SPAG16: variants seen among roughly 807,000 people sequenced by gnomAD.
SPAG16 encodes sperm associated antigen 16.
In SPAG16, 86 loss-of-function variants were observed where a neutral mutation model predicts 80.4. The ratio of observed to expected loss-of-function variants is 1.07; its 90% CI spans 0.90 to 1.28. SPAG16 has a LOEUF of 1.28. Ranked by LOEUF, SPAG16 falls within the 50% of genes most tolerant of loss-of-function variation. The pLI, the probability that SPAG16 is intolerant of heterozygous loss-of-function variation, is 0.00. For missense variants in SPAG16, 870 were observed against 765.3 expected, an observed-to-expected ratio of 1.14 and a Z score of -1.61; for synonymous variants, 294 against 265.9, an observed-to-expected ratio of 1.11 and a Z score of -1.03.
At chr2:213,373,790 A>G (rs1048455865) in intron 8 of SPAG16, among the ~76,000 whole-genome samples, 4 of 152,210 alleles carry the variant, frequency 2.6e-5, no homozygotes, top group Non-Finnish European at 5.9e-5. Flanking sequence ...ACATAATTGC[A>G]TAAAATTGTA....
chr2:213,717,654 C>T (rs747255350), intron 10 of SPAG16, among the ~76,000 whole-genome samples: 1 of 151,952 alleles, frequency 6.6e-6, no homozygotes, highest in Non-Finnish European at 1.5e-5. Context: ...ATTCTAAATA[C>T]ATTACTTCAA....
chr2:213,445,943 C>T (rs1200838927), intron 9 of SPAG16, among the ~76,000 whole-genome samples: 1 of 152,178 alleles, frequency 6.6e-6, no homozygotes, highest in African/African-American at 2.4e-5. Context: ...GACCTGGTTC[C>T]AGCCCCTTAG....
intron 15 of SPAG16, among the ~76,000 whole-genome samples, chr2:214,315,580 G>A (rs891130841): frequency 6.6e-6 from 1 of 151,824 alleles, no homozygotes; most frequent in Non-Finnish European, 1.5e-5. Context: ...CACTCAAGCT[G>A]GAGTGCAGTG....
At chr2:213,808,334 G>A (rs1407707473) in intron 10 of SPAG16, among the ~76,000 whole-genome samples, 4 of 152,130 alleles carry the variant, frequency 2.6e-5, no homozygotes, top group South Asian at 2.1e-4. Context: ...ACTAAAAAAC[G>A]AAAGAACAGC....
At chr2:214,050,290 CT>C (rs2049572266) in intron 13 of SPAG16, among the ~76,000 whole-genome samples, 1 of 100,768 alleles carries the variant, frequency 9.9e-6, no homozygotes, top group African/African-American at 3.2e-5. Context: ...TGGGCCCCAG[CT>C]AAAAAAAAAA....
chr2:213,690,783 T>C (rs1207226195), intron 10 of SPAG16, among the ~76,000 whole-genome samples: 1 of 152,158 alleles, frequency 6.6e-6, no homozygotes, highest in African/African-American at 2.4e-5. Context: ...CTCCAGGTTC[T>C]TCAGCCTTTG....
intron 11 of SPAG16, among the ~76,000 whole-genome samples, chr2:213,916,977 A>G (rs748695679): frequency 6.6e-6 from 1 of 152,162 alleles, no homozygotes; most frequent in Non-Finnish European, 1.5e-5. Context: ...TGTATGTGGT[A>G]TAAGGGAGGG....
At chr2:213,412,902 G>A (rs1374701040) in intron 9 of SPAG16, among the ~76,000 whole-genome samples, 1 of 152,042 alleles carries the variant, frequency 6.6e-6, no homozygotes, top group Non-Finnish European at 1.5e-5. Flanking sequence ...CATCCAAAAT[G>A]GGTTAGAAAA....
chr2:213,806,975 T>C (rs1025527414), intron 10 of SPAG16, among the ~76,000 whole-genome samples: 18 of 152,212 alleles, frequency 1.2e-4, no homozygotes, highest in Admixed American at 6.5e-5. Context: ...GTTTTCCATA[T>C]CAATTCACAT....
intron 10 of SPAG16, among the ~76,000 whole-genome samples, chr2:213,595,571 T>G (rs2060857679): frequency 6.6e-6 from 1 of 152,126 alleles, no homozygotes; most frequent in African/African-American, 2.4e-5. Context: ...GTTAATAGTT[T>G]TAGAATATTT....
intron 12 of SPAG16, among the ~76,000 whole-genome samples, chr2:213,986,426 C>T (rs962567640): frequency 6.6e-6 from 1 of 151,814 alleles, no homozygotes; most frequent in African/African-American, 2.4e-5. Flanking sequence ...GTTTAACATA[C>T]ATTTAAATAT....
intron 13 of SPAG16, among the ~76,000 whole-genome samples, chr2:214,098,817 G>C (rs1246027655): frequency 6.6e-6 from 1 of 152,086 alleles, no homozygotes; most frequent in East Asian, 1.9e-4. Context: ...TTTATATCCA[G>C]TTTTTGTGAA....
chr2:213,851,279 C>T (rs531233957), intron 10 of SPAG16, among the ~76,000 whole-genome samples: 7 of 152,098 alleles, frequency 4.6e-5, no homozygotes, highest in African/African-American at 1.7e-4. Context: ...TTTGGCAGGC[C>T]GAGGCAGATT....
chr2:213,635,669 T>C (rs535439560), intron 10 of SPAG16, among the ~76,000 whole-genome samples: 1 of 152,192 alleles, frequency 6.6e-6, no homozygotes, highest in Non-Finnish European at 1.5e-5. Flanking sequence ...TGATTAGTGA[T>C]GTTAAGAATT....
chr2:214,056,124 C>A (rs899524719), intron 13 of SPAG16, among the ~76,000 whole-genome samples: 4 of 152,020 alleles, frequency 2.6e-5, no homozygotes, highest in South Asian at 2.1e-4. Context: ...ACCCTTAATA[C>A]CCCCTTTACT....
chr2:213,719,585 G>A (rs1353496023), intron 10 of SPAG16, among the ~76,000 whole-genome samples: 2 of 152,172 alleles, frequency 1.3e-5, no homozygotes, highest in African/African-American at 2.4e-5. Context: ...AAAGCAGGCT[G>A]CCCGAGCCAG....
chr2:213,826,195 AC>A (rs2125706096), intron 10 of SPAG16, among the ~76,000 whole-genome samples: 1 of 150,758 alleles, frequency 6.6e-6, no homozygotes, highest in South Asian at 2.1e-4. Context: ...TCTTTCAAAA[AC>A]CAACTTTTTG....
At chr2:213,426,606 T>C (rs1423509261) in intron 9 of SPAG16, among the ~76,000 whole-genome samples, 1 of 152,002 alleles carries the variant, frequency 6.6e-6, no homozygotes, top group African/African-American at 2.4e-5. Flanking sequence ...AACTAGTTTT[T>C]ATAATGATGA....
rs34788311 is a variant in SPAG16 at position 213,765,594 on chromosome 2, CGT to C, written c.1071-96872_1071-96871del. ...TTACATTTATTCATTCACAATGTCA[CGT>C]GTGTGTGTGTGTGTGTGTTATTTAC... On this transcript the variant is annotated intron_variant, in intron 10 of 15. Coordinates refer to ENST00000331683, the MANE Select transcript of SPAG16 (RefSeq NM_024532.5). Among the ~76,000 whole-genome samples the C allele has an allele frequency of 2.5e-3, 380 of 150,038 alleles. 2 individuals are homozygous for C. The highest frequency in any genetic ancestry group is 0.01 in the Middle Eastern group (3 of 288).
Sources: gnomAD v4.1 joint callset for allele counts (sites outside exome capture counted in the v4.1 genomes callset) on GRCh38, gnomAD v4.1.1 for gene constraint, MANE v1.5 for transcripts, NCBI Gene and HGNC (gene_info 2026-07-23, HGNC 2026-07-21) for gene names.